The following NREP variants were observed in gnomAD, a reference collection of about 807,000 sequenced individuals.
NREP encodes neuronal regeneration-related protein.
A neutral mutation model predicts 8.6 loss-of-function variants in NREP; 5 were observed. The ratio of observed to expected loss-of-function variants is 0.58; its 90% CI spans 0.30 to 1.22. NREP has a LOEUF of 1.22. NREP is among the 50% of genes most tolerant of loss of function. NREP has a pLI of 0.07. For missense variants in NREP, 86 were observed against 82.5 expected (o/e 1.04, Z -0.17); for synonymous variants, 27 against 28.0 (o/e 0.96, Z 0.11).
chr5:111,955,596 G>A (rs1214770461), intron 2 of NREP, among the ~76,000 whole-genome samples: 1 of 151,936 alleles, frequency 6.6e-6, no homozygotes, highest in Non-Finnish European at 1.5e-5. Flanking sequence ...TCTGTGTAAG[G>A]GGAACTTCGT....
chr5:111,920,987 C>T (rs1755222723), intron 2 of NREP, among the ~76,000 whole-genome samples: 1 of 152,104 alleles, frequency 6.6e-6, no homozygotes, highest in Non-Finnish European at 1.5e-5. Flanking sequence ...AGCTTTCCTT[C>T]CTTATCTGTG....
At chr5:111,975,976 C>G (rs1262213051) in intron 1 of NREP, among the ~76,000 whole-genome samples, 1 of 152,102 alleles carries the variant, frequency 6.6e-6, no homozygotes, top group African/African-American at 2.4e-5. Flanking sequence ...ACCAGCATAT[C>G]TAATTCTTTT....
In NREP at chr5:111,750,622, C is replaced by T. The variant is rs569230112; in HGVS notation, c.3+5148G>A. On this transcript the variant is annotated intron_variant, in intron 2 of 3. Coordinates refer to ENST00000257435, the MANE Select transcript of NREP (RefSeq NM_004772.4). ...ATCCCCAGTCCTCACTAACATCACTCGTACCATTTAGCACTAGATTATATT... is the reference window on the plus strand; with the variant it reads ...ATCCCCAGTCCTCACTAACATCACTTGTACCATTTAGCACTAGATTATATT... 8.5e-5 allele frequency among the ~76,000 whole-genome samples: 13 copies of T among 152,286 alleles called. No individual in the cohort carries two copies. In the South Asian group the frequency reaches 2.3e-3, roughly 27 times the overall value.
chr5:111,813,498 C>T (rs934379416), intron 2 of NREP, among the ~76,000 whole-genome samples: 7 of 151,980 alleles, frequency 4.6e-5, no homozygotes, highest in African/African-American at 1.7e-4. Flanking sequence ...GCTTATATTC[C>T]AACATGTCTT....
At chr5:111,925,768 A>G (rs753921577) in intron 2 of NREP, among the ~76,000 whole-genome samples, 15 of 152,142 alleles carry the variant, frequency 9.9e-5, no homozygotes, top group Middle Eastern at 3.2e-3. Flanking sequence ...CCAGTTTTTC[A>G]TAGGCCCTCC....
At position 111,829,231 on chromosome 5, in the gene NREP, G is replaced by T. The variant is rs149014626; in HGVS notation, c.136-93724C>A. Among the ~76,000 whole-genome samples the T allele has an allele frequency of 1.9e-3, 291 of 152,306 alleles. 1 individual carries two copies. The highest frequency in any genetic ancestry group is 6.3e-3 in the African/African-American group (262 of 41,562). ...ACATTAAGCGGCATGCTAAGGAGTT[G>T]AGACTTTCATTTTGCAGTGAGAGAC... On this transcript the variant is annotated intron_variant, in intron 2 of 3. Transcript: ENST00000395634.
At chr5:111,843,027 T>G (rs181404707) in intron 2 of NREP, among the ~76,000 whole-genome samples, 1 of 152,294 alleles carries the variant, frequency 6.6e-6, no homozygotes, top group East Asian at 1.9e-4. Flanking sequence ...GGTGAAGATC[T>G]TTTTTATGTT....
At chr5:111,955,913 A>C (rs1035842090) in intron 2 of NREP, among the ~76,000 whole-genome samples, 1 of 142,612 alleles carries the variant, frequency 7.0e-6, no homozygotes, top group Non-Finnish European at 1.5e-5. Flanking sequence ...AAAAAAAAAA[A>C]CAAAAACGTT....
intron 2 of NREP, among the ~76,000 whole-genome samples, chr5:111,808,096 A>G (rs1200714673): frequency 6.6e-6 from 1 of 152,198 alleles, no homozygotes; most frequent in Non-Finnish European, 1.5e-5. Context: ...TTTTCATTCT[A>G]TCTGGTGCAA....
At chr5:111,836,070 C>G (rs1752886675) in intron 2 of NREP, among the ~76,000 whole-genome samples, 1 of 152,050 alleles carries the variant, frequency 6.6e-6, no homozygotes, top group Non-Finnish European at 1.5e-5. Flanking sequence ...TCAGTCCTTC[C>G]TCCCTTCGTT....
At chr5:111,874,235 G>T (rs1396475292) in intron 2 of NREP, among the ~76,000 whole-genome samples, 1 of 152,084 alleles carries the variant, frequency 6.6e-6, no homozygotes, top group African/African-American at 2.4e-5. Flanking sequence ...CTCTTTATCA[G>T]TCCAGATGTT....
chr5:111,944,566 C>T (rs569796470), intron 2 of NREP, among the ~76,000 whole-genome samples: 58 of 152,266 alleles, frequency 3.8e-4, no homozygotes, highest in African/African-American at 1.2e-3. Flanking sequence ...CTTGGGCTCC[C>T]AAAGTGCTGG....
chr5:111,853,735 G>T (rs1160598007), intron 2 of NREP, among the ~76,000 whole-genome samples: 2 of 151,386 alleles, frequency 1.3e-5, no homozygotes, highest in Non-Finnish European at 2.9e-5. Context: ...TGGATCTCAG[G>T]GAGATAAGTG....
At chr5:111,825,153 G>A (rs555231716) in intron 2 of NREP, among the ~76,000 whole-genome samples, 2 of 152,136 alleles carry the variant, frequency 1.3e-5, no homozygotes, top group South Asian at 2.1e-4. Flanking sequence ...TAATAGCAAT[G>A]TTAGATCCTT....
intron 2 of NREP, among the ~76,000 whole-genome samples, chr5:111,973,202 A>G (rs899388290): frequency 6.6e-6 from 1 of 152,128 alleles, no homozygotes; most frequent in Non-Finnish European, 1.5e-5. Flanking sequence ...CTGATCTTGC[A>G]GTGCCAGCAG....
At chr5:111,928,192 A>T (rs1755442810) in intron 2 of NREP, among the ~76,000 whole-genome samples, 1 of 152,148 alleles carries the variant, frequency 6.6e-6, no homozygotes. Context: ...AGAATTTTGC[A>T]AACTATTTAC....
intron 2 of NREP, among the ~76,000 whole-genome samples, chr5:111,840,123 TTATTA>T (rs1752992144): frequency 6.6e-6 from 1 of 152,086 alleles, no homozygotes; most frequent in African/African-American, 2.4e-5. Context: ...GTATAAATCA[TTATTA>T]TATGCATGTC....
chr5:111,852,473 A>G (rs538534943), intron 2 of NREP, among the ~76,000 whole-genome samples: 5 of 152,264 alleles, frequency 3.3e-5, no homozygotes, highest in Admixed American at 6.5e-5. Context: ...CAGGTTTACA[A>G]TCACCCTGTT....
At chr5:111,872,827 G>GT (rs1294054571) in intron 2 of NREP, among the ~76,000 whole-genome samples, 1 of 152,156 alleles carries the variant, frequency 6.6e-6, no homozygotes, top group Non-Finnish European at 1.5e-5. Context: ...AGAGGAAGTA[G>GT]TTAGCCCTAA....
Sources: allele counts gnomAD v4.1 joint callset (sites outside exome capture counted in the v4.1 genomes callset), GRCh38; gene constraint gnomAD v4.1.1; transcripts MANE v1.5; gene names NCBI Gene and HGNC (gene_info 2026-07-23, HGNC 2026-07-21).